USP25: variants seen among roughly 807,000 people sequenced by gnomAD.
USP25 encodes ubiquitin carboxyl-terminal hydrolase 25.
USP25 carries 85 observed loss-of-function variants against 158.5 expected under a neutral mutation model. That is an observed-to-expected ratio of 0.54 (90% CI 0.45 to 0.64). The LOEUF (loss-of-function observed/expected upper bound fraction) is 0.64, where lower values mean the gene tolerates loss of function less well. Among genes scored for constraint, USP25 ranks in the 30% least tolerant of loss-of-function variants. The pLI is 0.00. For synonymous variants in USP25, 464 were observed against 460.4 expected (o/e 1.01, Z -0.10); for missense variants, 1,242 against 1,327.3 (o/e 0.94, Z 1.00).
intron 14 of USP25, among the ~76,000 whole-genome samples, chr21:15,829,299 T>TCACCCTGCTCCCACCCTC (rs2037683383): frequency 6.6e-6 from 1 of 152,216 alleles, no homozygotes; most frequent in South Asian, 2.1e-4. Flanking sequence ...TTTTCCATCC[T>TCACCCTGCTCCCACCCTC]CACCCTGCTC....
At chr21:15,805,691 A>G (rs1208292485) in intron 7 of USP25, 1 of 152,288 alleles carries the variant, frequency 6.6e-6, no homozygotes, top group Non-Finnish European at 1.5e-5. Context: ...ATTGTGGTAG[A>G]TTTTTATCCA....
intron 1 of USP25, among the ~76,000 whole-genome samples, chr21:15,750,321 T>C (rs1434337713): frequency 6.8e-6 from 1 of 147,350 alleles, no homozygotes; most frequent in Non-Finnish European, 1.5e-5. Flanking sequence ...AACCTCCGTC[T>C]CCCTGGTTCA....
intron 1 of USP25, among the ~76,000 whole-genome samples, chr21:15,754,895 ATG>A (rs1381964444): frequency 2.6e-5 from 4 of 152,146 alleles, no homozygotes; most frequent in African/African-American, 4.8e-5. Context: ...AACATGAAGG[ATG>A]TGTTATGTAC....
chr21:15,790,383 T>A (rs2035527172), intron 4 of USP25, among the ~76,000 whole-genome samples: 1 of 152,058 alleles, frequency 6.6e-6, no homozygotes, highest in Non-Finnish European at 1.5e-5. Flanking sequence ...AAAGACTGAC[T>A]TCTGTATTCA....
intron 23 of USP25, among the ~76,000 whole-genome samples, chr21:15,871,395 T>C (rs1455021172): frequency 6.6e-6 from 1 of 152,174 alleles, no homozygotes. Flanking sequence ...AATGTGATCG[T>C]ATAATTCAAT....
intron 5 of USP25, among the ~76,000 whole-genome samples, chr21:15,792,273 C>T (rs1376124927): frequency 6.6e-6 from 1 of 151,126 alleles, no homozygotes; most frequent in African/African-American, 2.4e-5. Flanking sequence ...GTGTAGATAT[C>T]CCTCTTTTCA....
At chr21:15,860,387 T>C (rs1656045938) in intron 20 of USP25, among the ~76,000 whole-genome samples, 2 of 152,110 alleles carry the variant, frequency 1.3e-5, no homozygotes, top group African/African-American at 4.8e-5. Flanking sequence ...ACTCCTGACT[T>C]CAGGTGATCT....
chr21:15,853,582 T>C (rs1200478744), intron 20 of USP25, among the ~76,000 whole-genome samples: 2 of 152,354 alleles, frequency 1.3e-5, no homozygotes, highest in African/African-American at 2.4e-5. Context: ...CCCAAAGTTA[T>C]ATAAATTTTC....
chr21:15,826,953 GA>G lies in USP25; in HGVS notation c.1467-21del. The G allele has an allele frequency of 6.2e-7, 1 of 1,609,450 alleles. No homozygotes were observed. The highest frequency in any genetic ancestry group is 1.1e-5 in the South Asian group (1 of 91,042). ...GAGTTTCAGCTTGAAAGGTTAATAA[GA>G]AATACTCTATGCTTTGATACAGCAC... On this transcript the variant is annotated intron_variant, in intron 13 of 25. Transcript: ENST00000400183. This position sits in a 1 kb window ranked among gnomAD's most constrained non-coding sequence, Gnocchi z 4.8.
chr21:15,840,263 T>C (rs185683760), intron 17 of USP25, among the ~76,000 whole-genome samples: 6 of 152,340 alleles, frequency 3.9e-5, no homozygotes. Flanking sequence ...GTATGTGTAT[T>C]GGGTCCACAG....
chr21:15,733,991 G>A (rs926612), intron 1 of USP25, among the ~76,000 whole-genome samples: 18,708 of 152,218 alleles, frequency 0.12, 2,183 homozygotes, highest in African/African-American at 0.3. Flanking sequence ...AAGTGCTTCT[G>A]AAGGTTCTTT....
intron 9 of USP25, 152 bp from the exon 10 acceptor site, chr21:15,818,546 A>T: frequency 3.1e-6 from 2 of 652,926 alleles, no homozygotes; most frequent in Non-Finnish European, 5.1e-6. Context: ...GCACATGTGT[A>T]TAAACCAACA....
chr21:15,814,247 C>T (rs1358500855), intron 9 of USP25, among the ~76,000 whole-genome samples: 2 of 151,224 alleles, frequency 1.3e-5, no homozygotes, highest in Non-Finnish European at 3.0e-5. Flanking sequence ...GAGGCCTCCC[C>T]AGCCATGTGG....
intron 10 of USP25, among the ~76,000 whole-genome samples, chr21:15,823,501 A>G (rs959119383): frequency 3.3e-5 from 5 of 152,124 alleles, no homozygotes; most frequent in African/African-American, 1.2e-4. Flanking sequence ...TGTTAGTGAT[A>G]TGTCTTTTTC....
Position 15,849,843 on chromosome 21 carries a change from A to C in USP25, c.2518A>C (p.Arg840=), listed in dbSNP as rs2038802643. Residue 840 remains arginine, a synonymous_variant, in exon 20 of 26, where the codon AGG becomes CGG. Transcript: ENST00000400183. ...AGGTAAATCCAGGAGTGTATATGAC[A>C]GGTGTGGCCCTGAAGCAGGGTTCTT... The part of the protein sequence containing the change: ...AIGKSRSVYD[R]CGPEAGFFKA... 1 of 1,535,450 alleles carries C rather than the reference A, an allele frequency of 6.5e-7. No individual in the cohort carries two copies. Among genetic ancestry groups the C allele is most frequent in the Non-Finnish European group, 8.8e-7 (1 of 1,139,854 alleles).
chr21:15,774,116 G>GCTTT (rs1184663903), intron 3 of USP25, among the ~76,000 whole-genome samples: 1 of 152,156 alleles, frequency 6.6e-6, no homozygotes, highest in African/African-American at 2.4e-5. Flanking sequence ...ATTTCTTAAA[G>GCTTT]ATTAGTTGCA....
intron 18 of USP25, among the ~76,000 whole-genome samples, chr21:15,846,150 ATATATATATT>A (rs1197901320): frequency 1.3e-4 from 8 of 61,104 alleles, no homozygotes; most frequent in African/African-American, 8.9e-4. Flanking sequence ...ATATATATAT[ATATATATATT>A]TTTTTTTTTT....
rs2038381687 is a variant in USP25 at position 15,842,440 on chromosome 21, G to C, written c.2237G>C (p.Arg746Thr). Residue 746 changes from arginine (R) to threonine (T), a missense_variant, in exon 18 of 26, where the codon AGA becomes ACA. Around this residue, in one of 3 missense-constraint regions of USP25, gnomAD observed 608 missense variants for 605.2 expected, o/e 1.00. Coordinates refer to ENST00000400183, the MANE Select transcript of USP25 (RefSeq NM_001283041.3). ...GDPEYLEQPS[R>T]SDFSKHLKEE... ...CCAGAATATCTAGAGCAGCCATCAA[G>C]AAGTGATTTCTCAAAGCACTTGAAA... 6.2e-7 allele frequency: 1 copy of C among 1,613,624 alleles called. No homozygotes were observed. The highest frequency in any genetic ancestry group is 1.7e-5 in the Admixed American group (1 of 59,916).
chr21:15,849,839 T>C lies in USP25; in HGVS notation c.2514T>C (p.Tyr838=), dbSNP rs2038802508. ...IMAIGKSRSV[Y]DRCGPEAGFF... ...CGATAGGTAAATCCAGGAGTGTATA[T>C]GACAGGTGTGGCCCTGAAGCAGGGT... Residue 838 remains tyrosine, a synonymous_variant, in exon 20 of 26, where the codon TAT becomes TAC. Coordinates refer to ENST00000400183, the MANE Select transcript of USP25 (RefSeq NM_001283041.3). 6.5e-7 allele frequency: 1 copy of C among 1,539,310 alleles called. No homozygotes were observed.
Sources: gnomAD v4.1 joint callset for allele counts (sites outside exome capture counted in the v4.1 genomes callset) on GRCh38, gnomAD v4.1.1 for gene constraint, gnomAD v4.1.1 regional missense constraint, Gnocchi (gnomAD v3.1) non-coding constraint, MANE v1.5 for transcripts, NCBI Gene and HGNC (gene_info 2026-07-23, HGNC 2026-07-21) for gene names.